The following OR51I2 variants were observed in gnomAD, a reference collection of about 807,000 sequenced individuals.
OR51I2 encodes the protein olfactory receptor family 51 subfamily I member 2.
A neutral mutation model predicts 9.3 loss-of-function variants in OR51I2; 6 were observed. The ratio of observed to expected loss-of-function variants is 0.64; its 90% CI spans 0.35 to 1.27. The LOEUF (loss-of-function observed/expected upper bound fraction) is 1.27, where lower values mean the gene tolerates loss of function less well. Among genes scored for constraint, OR51I2 ranks in the 50% most tolerant of loss-of-function variants. The pLI, the probability that OR51I2 is intolerant of heterozygous loss-of-function variation, is 0.03. For missense variants in OR51I2, 489 were observed against 396.4 expected, an observed-to-expected ratio of 1.23 and a Z score of -1.98; for synonymous variants, 179 against 143.1, an observed-to-expected ratio of 1.25 and a Z score of -1.79.
Position 5,456,090 on chromosome 11 carries a change from T to A in OR51I2, c.*1663T>A, listed in dbSNP as rs1265003980. The A allele has an allele frequency of 6.6e-6, 1 of 152,188 alleles. No homozygotes were observed. Among genetic ancestry groups the A allele is most frequent in the Non-Finnish European group, 1.5e-5 (1 of 68,026 alleles). 9.4% of individuals were successfully genotyped at this position (152,188 alleles called of 1,614,324 possible). ...CAAATATATACAACAAATACATAAA[T>A]GCAAAGGCAAGGCTTAGGGAAGCCG... On this transcript the variant is annotated 3_prime_UTR_variant, in exon 2 of 2. Coordinates refer to ENST00000641930, the MANE Select transcript of OR51I2 (RefSeq NM_001004754.3).
Position 5,454,782 on chromosome 11 carries a change from T to G in OR51I2, c.*355T>G, listed in dbSNP as rs897174219. ...ATCAAGTACTATTATAAATTATTTG[T>G]GTGTATTAATTCACTTAATATTCAT... On this transcript the variant is annotated 3_prime_UTR_variant, in exon 2 of 2. Coordinates refer to ENST00000641930, the MANE Select transcript of OR51I2 (RefSeq NM_001004754.3). The G allele has an allele frequency of 5.9e-6, 1 of 168,538 alleles. No individual in the cohort carries two copies. The highest frequency in any genetic ancestry group is 2.4e-5 in the African/African-American group (1 of 41,722). 10.4% of individuals were successfully genotyped at this position (168,538 alleles called of 1,614,324 possible).
rs772771038 is a variant in OR51I2 at position 5,454,107 on chromosome 11, T to G, written c.619T>G (p.Phe207Val). The G allele has an allele frequency of 6.2e-7, 1 of 1,614,198 alleles. No individual in the cohort carries two copies. The highest frequency in any genetic ancestry group is 8.5e-7 in the Non-Finnish European group (1 of 1,180,028). The stretch of plus-strand genomic sequence containing the variant: ...TGGACTCTTTGTTCTTGTATCCACC[T>G]TTGGCATGGACCTGTTTTTTATCTT... The part of the protein sequence containing the change: ...IYGLFVLVST[F>V]GMDLFFIFLS... Residue 207 changes from phenylalanine (F) to valine (V), a missense_variant, in exon 2 of 2, where the codon TTT (phenylalanine) becomes GTT (valine). Coordinates refer to ENST00000641930, the MANE Select transcript of OR51I2 (RefSeq NM_001004754.3).
intron 1 of OR51I2, among the ~76,000 whole-genome samples, chr11:5,451,450 C>T (rs558766737): frequency 7.2e-5 from 11 of 152,276 alleles, no homozygotes; most frequent in Admixed American, 2.0e-4. Flanking sequence ...AGACAAACAT[C>T]AGTTCTGGAT....
rs970662355 is a variant in OR51I2, at chr11:5,455,644, G to A, written c.*1217G>A. The A allele has an allele frequency of 1.9e-4, 28 of 148,994 alleles. No individual in the cohort carries two copies. The highest frequency in any genetic ancestry group is 2.1e-4 in the South Asian group (1 of 4,792). 9.2% of individuals were successfully genotyped at this position (148,994 alleles called of 1,614,324 possible). A position where few individuals can be genotyped will look rare whatever the true frequency, so the allele number is the denominator to read the frequency against. On this transcript the variant is annotated 3_prime_UTR_variant, in exon 2 of 2. Transcript: ENST00000641930. ...GAAAGAGAGAGAGAGAGATGCACTA[G>A]GTAGTCTAACTTAACTCACCATGGA...
Position 5,453,983 on chromosome 11 carries a change from GCTGC to G in OR51I2, c.498_501del (p.Pro167SerfsTer17). 6.2e-7 allele frequency: 1 copy of G among 1,613,968 alleles called. No individual in the cohort carries two copies. The highest frequency in any genetic ancestry group is 8.5e-7 in the Non-Finnish European group (1 of 1,180,032). ...TCCCTCTTCCCTTTCTTATTAAGAGGCTGCCTATCTGCAGATCCAATGTTCTTTC... is the reference window on the plus strand; with the variant it reads ...TCCCTCTTCCCTTTCTTATTAAGAGGCTATCTGCAGATCCAATGTTCTTTC... On this transcript the variant is annotated frameshift_variant, in exon 2 of 2. Transcript: ENST00000641930. LOFTEE classifies it high-confidence loss of function.
rs1850922968 is a variant in OR51I2 at position 5,454,499 on chromosome 11, T to G, written c.*72T>G. The G allele has an allele frequency of 2.4e-5, 30 of 1,226,028 alleles. No homozygotes were observed. The South Asian group carries it at 3.7e-4, about 15-fold the overall frequency. 75.9% of individuals were successfully genotyped at this position (1,226,028 alleles called of 1,614,324 possible). A position where few individuals can be genotyped will look rare whatever the true frequency, so the allele number is the denominator to read the frequency against. On this transcript the variant is annotated 3_prime_UTR_variant, in exon 2 of 2. Transcript: ENST00000641930. ...ATCAGTAGCATCGTCATCATCATCA[T>G]CAAAGTATAAGATAGATTGTGTGCT...
At chr11:5,451,743 C>T (rs1401711890) in intron 1 of OR51I2, among the ~76,000 whole-genome samples, 2 of 152,060 alleles carry the variant, frequency 1.3e-5, no homozygotes, top group South Asian at 2.1e-4. Context: ...GAGCATGGTC[C>T]GGTCTTGCTT....
intron 1 of OR51I2, 74 bp from the exon 2 acceptor site, chr11:5,453,185 A>C (rs1564818077): frequency 1.9e-5 from 4 of 215,718 alleles, no homozygotes; most frequent in Non-Finnish European, 1.8e-5. Context: ...GTAGAAATGT[A>C]GTTTAAACAT....
At chr11:5,450,409 TA>T (rs1850826489) in intron 1 of OR51I2, among the ~76,000 whole-genome samples, 4 of 152,024 alleles carry the variant, frequency 2.6e-5, no homozygotes, top group Non-Finnish European at 5.9e-5. Flanking sequence ...ATGAATTAAT[TA>T]ATTAATGAAT....
intron 1 of OR51I2, among the ~76,000 whole-genome samples, chr11:5,451,947 G>A (rs1850859681): frequency 6.6e-6 from 1 of 152,188 alleles, no homozygotes; most frequent in Non-Finnish European, 1.5e-5. Flanking sequence ...TACAATCACT[G>A]TGACAGAGAA....
rs777867424 is a variant in OR51I2 at position 5,454,078 on chromosome 11, T to A, written c.590T>A (p.Ile197Asn). ...TGTGCTGATATCAGTATCAACAGCA[T>A]CTATGGACTCTTTGTTCTTGTATCC... is the stretch of plus-strand genomic sequence containing the variant. ...LACADISINS[I>N]YGLFVLVSTF... Residue 197 changes from isoleucine (I) to asparagine (N), a missense_variant, in exon 2 of 2, where the codon ATC (isoleucine) becomes AAC (asparagine). Ile to Asn is a moderately radical substitution (Grantham distance 149, BLOSUM62 -3). Coordinates refer to ENST00000641930, the MANE Select transcript of OR51I2 (RefSeq NM_001004754.3). 11 of 1,614,144 alleles carry A rather than the reference T, an allele frequency of 6.8e-6. No homozygotes were observed. In the Admixed American group the frequency reaches 1.8e-4, roughly 27 times the overall value.
In OR51I2 at chr11:5,454,636, A is replaced by G. The variant is rs1253295160; in HGVS notation, c.*209A>G. 2 of 417,020 alleles carry G rather than the reference A, an allele frequency of 4.8e-6. No individual in the cohort carries two copies. Among genetic ancestry groups the G allele is most frequent in the Non-Finnish European group, 8.5e-6 (2 of 235,462 alleles). The allele number at this position is 417,020 out of a possible 1,614,324, so 25.8% of individuals were successfully genotyped here. ...CAACAGTATTCTTAGAAAGATAAAT[A>G]TTGGGGGCAATTGAGTAATTAGACA... On this transcript the variant is annotated 3_prime_UTR_variant, in exon 2 of 2. Coordinates refer to ENST00000641930, the MANE Select transcript of OR51I2 (RefSeq NM_001004754.3).
chr11:5,455,778 T>A lies in OR51I2; in HGVS notation c.*1351T>A, dbSNP rs1207232253. On this transcript the variant is annotated 3_prime_UTR_variant, in exon 2 of 2. Transcript: ENST00000641930. Reference sequence around the variant, plus strand: ...GAGAGAGTCAGAAAGAGGGAGCTATTTTAAAAATGAGATAATGTAAGTACT... The same window carrying A: ...GAGAGAGTCAGAAAGAGGGAGCTATATTAAAAATGAGATAATGTAAGTACT... 3.3e-5 allele frequency: 5 copies of A among 152,084 alleles called. No individual in the cohort carries two copies. Among genetic ancestry groups the A allele is most frequent in the Admixed American group, 1.3e-4 (2 of 15,270 alleles). The allele number at this position is 152,084 out of a possible 1,614,324, so 9.4% of individuals were successfully genotyped here. A position where few individuals can be genotyped will look rare whatever the true frequency, so the allele number is the denominator to read the frequency against.
At chr11:5,450,911 A>T (rs892014330) in intron 1 of OR51I2, among the ~76,000 whole-genome samples, 2 of 152,138 alleles carry the variant, frequency 1.3e-5, no homozygotes, top group Non-Finnish European at 2.9e-5. Context: ...CATGCTCTGC[A>T]CATGTATCCC....
chr11:5,453,274 C>G lies in OR51I2; in HGVS notation c.-215C>G. 1 of 396,428 alleles carries G rather than the reference C, an allele frequency of 2.5e-6. No homozygotes were observed. The highest frequency in any genetic ancestry group is 4.5e-6 in the Non-Finnish European group (1 of 224,336). 24.6% of individuals were successfully genotyped at this position (396,428 alleles called of 1,614,324 possible). A position where few individuals can be genotyped will look rare whatever the true frequency, so the allele number is the denominator to read the frequency against. On this transcript the variant is annotated 5_prime_UTR_variant, in exon 2 of 2. Transcript: ENST00000641930. Reference sequence around the variant, plus strand: ...CATAAAATAGAGGGAAATATTAGCTCAGCCTGCAGGCTGATCATCATAAAA... The same window carrying G: ...CATAAAATAGAGGGAAATATTAGCTGAGCCTGCAGGCTGATCATCATAAAA...
At chr11:5,451,136 T>G (rs536913806) in intron 1 of OR51I2, among the ~76,000 whole-genome samples, 113 of 152,212 alleles carry the variant, frequency 7.4e-4, no homozygotes, top group Admixed American at 2.3e-3. Context: ...TTCATTTTCT[T>G]TCTCAGTATT....
At chr11:5,451,804 TG>T (rs1292688231) in intron 1 of OR51I2, among the ~76,000 whole-genome samples, 1 of 152,198 alleles carries the variant, frequency 6.6e-6, no homozygotes, top group Non-Finnish European at 1.5e-5. Context: ...TATGTAATTC[TG>T]GGGTCCTTCT....
At position 5,453,513 on chromosome 11, in the gene OR51I2, C is replaced by A. The variant is rs771779740; in HGVS notation, c.25C>A (p.Pro9Thr). MGLFNVTH[P>T]AFFLLTGIPG... The stretch of plus-strand genomic sequence containing the variant: ...TATGGGGTTGTTCAATGTCACTCAC[C>A]CTGCATTCTTCCTCCTGACTGGTAT... The change falls in exon 2 of 2, where the codon CCT becomes ACT. Residue 9 changes from proline (P) to threonine (T), a missense_variant. By Grantham distance (38) the Pro-to-Thr change is conservative. Coordinates refer to ENST00000641930, the MANE Select transcript of OR51I2 (RefSeq NM_001004754.3). The A allele has an allele frequency of 3.8e-6, 6 of 1,572,166 alleles. No individual in the cohort carries two copies. The highest frequency in any genetic ancestry group is 5.2e-6 in the Non-Finnish European group (6 of 1,162,292).
rs926624939 is a variant in OR51I2 at position 5,455,734 on chromosome 11, T to C, written c.*1307T>C. ...ATCTAGAGGTTTTTTCTCTTTGTAT[T>C]GAGGAAATACCAACAAGAGAGAGAG... On this transcript the variant is annotated 3_prime_UTR_variant, in exon 2 of 2. Coordinates refer to ENST00000641930, the MANE Select transcript of OR51I2 (RefSeq NM_001004754.3). The C allele has an allele frequency of 6.6e-6, 1 of 152,058 alleles. No homozygotes were observed. Among genetic ancestry groups the C allele is most frequent in the South Asian group, 2.1e-4 (1 of 4,820 alleles). The allele number at this position is 152,058 out of a possible 1,614,324, so 9.4% of individuals were successfully genotyped here. A position where few individuals can be genotyped will look rare whatever the true frequency, so the allele number is the denominator to read the frequency against.
Sources: allele counts gnomAD v4.1 joint callset (sites outside exome capture counted in the v4.1 genomes callset), GRCh38; gene constraint gnomAD v4.1.1; transcripts MANE v1.5; gene names NCBI Gene and HGNC (gene_info 2026-07-23, HGNC 2026-07-21).